Variants in TAFA4 observed in about 807,000 individuals in gnomAD.
The protein encoded by TAFA4 is TAFA chemokine like family member 4, also known as chemokine-like protein TAFA-4.
Under a neutral mutation model 21.1 loss-of-function variants are expected in TAFA4, and 20 were observed. That is an observed-to-expected ratio of 0.95 (90% confidence interval 0.67 to 1.38). TAFA4 has a LOEUF of 1.38. TAFA4 is among the 40% of genes most tolerant of loss of function. TAFA4 has a pLI of 0.00. For missense variants in TAFA4, 211 were observed against 180.9 expected (o/e 1.17, Z -0.95); for synonymous variants, 71 against 67.4 (o/e 1.05, Z -0.26).
chr3:68,777,518 G>A (rs1438804781), intron 3 of TAFA4, among the ~76,000 whole-genome samples: 1 of 152,000 alleles, frequency 6.6e-6, no homozygotes, highest in African/African-American at 2.4e-5. Flanking sequence ...CAGCTACATA[G>A]GGATAGTGCC....
chr3:68,873,880 C>T (rs1421560299), intron 3 of TAFA4, among the ~76,000 whole-genome samples: 1 of 152,210 alleles, frequency 6.6e-6, no homozygotes, highest in East Asian at 1.9e-4. Flanking sequence ...AAATCTCCCA[C>T]ACCCTTGGAT....
chr3:68,855,980 G>A (rs926835339), intron 3 of TAFA4, among the ~76,000 whole-genome samples: 3 of 152,106 alleles, frequency 2.0e-5, no homozygotes, highest in Admixed American at 6.6e-5. Flanking sequence ...CTAAAGAGCT[G>A]TGTTCCCACC....
intron 3 of TAFA4, among the ~76,000 whole-genome samples, chr3:68,781,990 CA>C (rs1559519137): frequency 1.3e-5 from 2 of 151,966 alleles, no homozygotes; most frequent in Non-Finnish European, 2.9e-5. Context: ...AGAAACAAAC[CA>C]AATAAGTAAA....
At chr3:68,768,754 G>A (rs114771601) in intron 3 of TAFA4, among the ~76,000 whole-genome samples, 2,534 of 152,122 alleles carry the variant, frequency 0.017, 71 homozygotes, top group African/African-American at 0.058. Context: ...GCATACTATC[G>A]GGTCATTTAA....
chr3:68,867,406 G>C (rs550398531), intron 3 of TAFA4, among the ~76,000 whole-genome samples: 1 of 152,174 alleles, frequency 6.6e-6, no homozygotes, highest in African/African-American at 2.4e-5. Flanking sequence ...AGCACTACTA[G>C]ACTTGTCTTA....
chr3:68,862,607 T>C (rs1320223673), intron 3 of TAFA4, among the ~76,000 whole-genome samples: 1 of 152,044 alleles, frequency 6.6e-6, no homozygotes, highest in East Asian at 1.9e-4. Context: ...GTATTTCCAA[T>C]AGTGATGTGC....
intron 1 of TAFA4, among the ~76,000 whole-genome samples, chr3:68,923,756 T>G (rs1470795173): frequency 6.6e-6 from 1 of 152,192 alleles, no homozygotes; most frequent in Non-Finnish European, 1.5e-5. Context: ...GTAAACACAC[T>G]TGTTATTTAC....
At chr3:68,823,677 C>T (rs1306664386) in intron 3 of TAFA4, among the ~76,000 whole-genome samples, 1 of 152,140 alleles carries the variant, frequency 6.6e-6, no homozygotes, top group Non-Finnish European at 1.5e-5. Flanking sequence ...GTTCAGCTCC[C>T]ACTTATAAAG....
Position 68,826,966 on chromosome 3 carries a change from G to A in TAFA4, c.130+53764C>T, listed in dbSNP as rs925507581. ...TTTTTTACATAGCTATACATGTGCC[G>A]TGTTGGTTTGCTGCACCCACCAACT... On this transcript the variant is annotated intron_variant, in intron 3 of 5. Coordinates refer to ENST00000295569, the MANE Select transcript of TAFA4 (RefSeq NM_182522.5). 3.3e-5 allele frequency among the ~76,000 whole-genome samples: 5 copies of A among 151,984 alleles called. No homozygotes were observed. In the South Asian group the frequency reaches 6.2e-4, roughly 19 times the overall value.
chr3:68,902,244 G>T (rs1461357273), intron 1 of TAFA4, among the ~76,000 whole-genome samples: 2 of 135,696 alleles, frequency 1.5e-5, no homozygotes, highest in African/African-American at 4.9e-5. Context: ...TCCCAAGTCT[G>T]CCCTCTTAAC....
At chr3:68,845,805 T>C (rs1280644424) in intron 3 of TAFA4, among the ~76,000 whole-genome samples, 2 of 152,230 alleles carry the variant, frequency 1.3e-5, no homozygotes, top group African/African-American at 2.4e-5. Context: ...TGTGAAATTC[T>C]GGGTTGAAAA....
At chr3:68,872,148 G>GT (rs1189564224) in intron 3 of TAFA4, among the ~76,000 whole-genome samples, 3 of 152,092 alleles carry the variant, frequency 2.0e-5, no homozygotes, top group Admixed American at 2.0e-4. Flanking sequence ...TGGGAACAAC[G>GT]TAAGTGTCCA....
intron 3 of TAFA4, among the ~76,000 whole-genome samples, chr3:68,872,754 C>T (rs905916168): frequency 1.3e-5 from 2 of 152,074 alleles, no homozygotes; most frequent in African/African-American, 4.8e-5. Flanking sequence ...GATAAATTGT[C>T]TCATTTCATG....
At chr3:68,764,185 A>C (rs1275718875) in intron 3 of TAFA4, among the ~76,000 whole-genome samples, 1 of 152,102 alleles carries the variant, frequency 6.6e-6, no homozygotes, top group African/African-American at 2.4e-5. Context: ...ATCTGATAGC[A>C]CAAGTGTCCT....
chr3:68,753,071 C>T, intron 3 of TAFA4, 53 bp from the exon 4 acceptor site: 1 of 1,567,460 alleles, frequency 6.4e-7, no homozygotes, highest in Non-Finnish European at 8.7e-7. Context: ...AAGGAAATGA[C>T]ACCACCAAAA....
intron 3 of TAFA4, among the ~76,000 whole-genome samples, chr3:68,832,591 T>C (rs2106880839): frequency 6.6e-6 from 1 of 152,288 alleles, no homozygotes; most frequent in South Asian, 2.1e-4. Context: ...TGTATGAGGA[T>C]CTGTCAGCCC....
chr3:68,817,294 T>G (rs998398839), intron 3 of TAFA4, among the ~76,000 whole-genome samples: 1 of 152,214 alleles, frequency 6.6e-6, no homozygotes, highest in African/African-American at 2.4e-5. Flanking sequence ...ATCATAAGAT[T>G]ACAGAAATTC....
At chr3:68,907,597 A>G (rs1172529688) in intron 1 of TAFA4, among the ~76,000 whole-genome samples, 1 of 152,210 alleles carries the variant, frequency 6.6e-6, no homozygotes, top group Non-Finnish European at 1.5e-5. Context: ...CCCTCAAGAT[A>G]GAGGAGATGC....
At chr3:68,931,363 C>T (rs1056936518) in intron 1 of TAFA4, among the ~76,000 whole-genome samples, 2 of 152,154 alleles carry the variant, frequency 1.3e-5, no homozygotes, top group African/African-American at 4.8e-5. Flanking sequence ...TGCTTAGGAG[C>T]TGATTCACAG....
Sources: allele counts gnomAD v4.1 joint callset (sites outside exome capture counted in the v4.1 genomes callset), GRCh38; gene constraint gnomAD v4.1.1; transcripts MANE v1.5; gene names NCBI Gene and HGNC (gene_info 2026-07-23, HGNC 2026-07-21).